PKIB: variants seen among roughly 807,000 people sequenced by gnomAD.
PKIB encodes the protein PKI-beta.
A neutral mutation model predicts 4.5 loss-of-function variants in PKIB; 2 were observed. The observed-to-expected ratio is 0.44, with a 90% CI of 0.18 to 1.39. The LOEUF is 1.39. Among genes scored for constraint, PKIB ranks in the 40% most tolerant of loss-of-function variants. The pLI, the probability that PKIB is intolerant of heterozygous loss-of-function variation, is 0.27. For missense variants in PKIB, 94 were observed against 92.6 expected (o/e 1.02, Z -0.06); for synonymous variants, 38 against 36.0 (o/e 1.06, Z -0.20).
At chr6:122,550,456 C>A (rs1772646224) in intron 2 of PKIB, among the ~76,000 whole-genome samples, 1 of 151,916 alleles carries the variant, frequency 6.6e-6, no homozygotes. Flanking sequence ...ATTACATTTT[C>A]TTTTGTATTT....
At chr6:122,536,588 T>C (rs937249650) in intron 2 of PKIB, among the ~76,000 whole-genome samples, 16 of 152,292 alleles carry the variant, frequency 1.1e-4, no homozygotes, top group African/African-American at 3.8e-4. Flanking sequence ...TTTGAACAAG[T>C]TTCTTTTTTA....
intron 3 of PKIB, among the ~76,000 whole-genome samples, chr6:122,694,273 A>C (rs1474436260): frequency 6.6e-6 from 1 of 152,214 alleles, no homozygotes; most frequent in Non-Finnish European, 1.5e-5. Context: ...AGACATACTG[A>C]ATCAAAAATT....
intron 3 of PKIB, among the ~76,000 whole-genome samples, chr6:122,694,096 T>C (rs1332445115): frequency 6.6e-6 from 1 of 152,204 alleles, no homozygotes; most frequent in East Asian, 1.9e-4. Context: ...ATATATGCAG[T>C]TAGATCCTGA....
Position 122,523,846 on chromosome 6 carries a change from C to G in PKIB, c.-248+45907C>G, listed in dbSNP as rs117605791. 2.2e-3 allele frequency among the ~76,000 whole-genome samples: 339 copies of G among 151,982 alleles called. 8 individuals carry two copies. In the East Asian group the frequency reaches 0.044, roughly 20 times the overall value. ...CTTTCCTGCCGCCATGTAAGATGTG[C>G]CTTTGCTTCTCCTTCGCCTTCTGCC... On this transcript the variant is annotated intron_variant, in intron 2 of 6. Coordinates refer to the PKIB transcript ENST00000392491.
At chr6:122,722,786 A>G (rs565185021) in intron 4 of PKIB, among the ~76,000 whole-genome samples, 2 of 152,128 alleles carry the variant, frequency 1.3e-5, no homozygotes, top group Admixed American at 6.5e-5. Context: ...CTAGTTCTCC[A>G]TTTCTGTTTT....
At chr6:122,510,611 T>C (rs1365760630) in intron 2 of PKIB, among the ~76,000 whole-genome samples, 1 of 152,202 alleles carries the variant, frequency 6.6e-6, no homozygotes, top group Non-Finnish European at 1.5e-5. Context: ...GTTGACTGCT[T>C]GCAAGTCAGT....
chr6:122,725,905 T>C lies in PKIB; in HGVS notation c.*710T>C, dbSNP rs1260561160. ...CTATCTTCCCTAACTTTGGTCTGTG[T>C]ATGTGTGTGTGTTTTACTTTAATAT... On this transcript the variant is annotated 3_prime_UTR_variant, in exon 5 of 5. Transcript: ENST00000368452. 6.6e-6 allele frequency: 1 copy of C among 152,168 alleles called. No homozygotes were observed. Among genetic ancestry groups the C allele is most frequent in the Non-Finnish European group, 1.5e-5 (1 of 68,018 alleles). 9.4% of individuals were successfully genotyped at this position (152,168 alleles called of 1,614,324 possible).
intron 3 of PKIB, among the ~76,000 whole-genome samples, chr6:122,715,595 GTA>G (rs572486613): frequency 6.7e-6 from 1 of 148,754 alleles, no homozygotes. Flanking sequence ...TGCATCAGTT[GTA>G]TATATATATA....
chr6:122,533,559 A>G (rs903870001), intron 2 of PKIB, among the ~76,000 whole-genome samples: 1 of 152,190 alleles, frequency 6.6e-6, no homozygotes, highest in Non-Finnish European at 1.5e-5. Context: ...GTCTCACACT[A>G]TAATGCATTT....
At chr6:122,651,462 C>G (rs1260109001) in intron 2 of PKIB, among the ~76,000 whole-genome samples, 1 of 152,124 alleles carries the variant, frequency 6.6e-6, no homozygotes, top group African/African-American at 2.4e-5. Context: ...ACCTCAGGAG[C>G]AGCCATTACT....
chr6:122,649,122 T>G (rs973112499), intron 2 of PKIB, among the ~76,000 whole-genome samples: 2 of 152,228 alleles, frequency 1.3e-5, no homozygotes, highest in Non-Finnish European at 2.9e-5. Flanking sequence ...ATGTTCTATG[T>G]CCATTTAGAG....
chr6:122,662,340 A>G (rs1312203660), intron 2 of PKIB, among the ~76,000 whole-genome samples: 1 of 12,670 alleles, frequency 7.9e-5, no homozygotes, highest in African/African-American at 2.9e-4. Flanking sequence ...TTTTTTTTGG[A>G]GATTCATTCT....
At chr6:122,576,329 A>G (rs1368922268) in intron 2 of PKIB, among the ~76,000 whole-genome samples, 3 of 148,000 alleles carry the variant, frequency 2.0e-5, no homozygotes, top group African/African-American at 5.1e-5. Flanking sequence ...GATGATGATT[A>G]CATGGTTCTT....
At chr6:122,506,876 T>TA (rs1416576559) in intron 2 of PKIB, among the ~76,000 whole-genome samples, 1 of 151,242 alleles carries the variant, frequency 6.6e-6, no homozygotes, top group Non-Finnish European at 1.5e-5. Flanking sequence ...ATTTTTTTTG[T>TA]ATTTTTAGTA....
chr6:122,557,952 C>G (rs1250991630), intron 2 of PKIB, among the ~76,000 whole-genome samples: 2 of 152,144 alleles, frequency 1.3e-5, no homozygotes, highest in Non-Finnish European at 2.9e-5. Flanking sequence ...CATGACTGGA[C>G]TATCACATAC....
chr6:122,558,563 A>C (rs190683335), intron 2 of PKIB, among the ~76,000 whole-genome samples: 1 of 152,212 alleles, frequency 6.6e-6, no homozygotes, highest in Non-Finnish European at 1.5e-5. Context: ...TAAAATCTAC[A>C]TATCTCCATT....
rs375188417 is a variant in PKIB at position 122,631,697 on chromosome 6, A to T, written c.-160-1586A>T. Among the ~76,000 whole-genome samples the T allele has an allele frequency of 5.3e-5, 8 of 152,130 alleles. No homozygotes were observed. The East Asian group carries it at 1.4e-3, about 26-fold the overall frequency. On this transcript the variant is annotated intron_variant, in intron 1 of 4. Transcript: ENST00000368452. ...TCATTCACCTCCAGGAAAGGACATG[A>T]CTCCTCAAAATCACCAGCTGATAAA...
chr6:122,475,249 A>T (rs556343855), intron 1 of PKIB, among the ~76,000 whole-genome samples: 1 of 152,306 alleles, frequency 6.6e-6, no homozygotes, highest in East Asian at 1.9e-4. Context: ...TGGCCCATTG[A>T]ATTTTTGAGA....
chr6:122,522,822 C>T (rs1181661964), intron 2 of PKIB, among the ~76,000 whole-genome samples: 4 of 152,204 alleles, frequency 2.6e-5, no homozygotes, highest in Admixed American at 1.3e-4. Flanking sequence ...GCATTGATCT[C>T]GCTGGGAGCT....
Sources: allele counts gnomAD v4.1 joint callset (sites outside exome capture counted in the v4.1 genomes callset), GRCh38; gene constraint gnomAD v4.1.1; transcripts MANE v1.5; gene names NCBI Gene and HGNC (gene_info 2026-07-23, HGNC 2026-07-21).